SIL1: variants seen among roughly 807,000 people sequenced by gnomAD.
SIL1 encodes nucleotide exchange factor SIL1.
In SIL1, 40 loss-of-function variants were observed where a neutral mutation model predicts 49.1. That is an observed-to-expected ratio of 0.81 (90% CI 0.63 to 1.06). SIL1 has a LOEUF of 1.06. Ranked by LOEUF, SIL1 falls within the 50% of genes least tolerant of loss-of-function variation. SIL1 has a pLI of 0.00. For synonymous variants in SIL1, 253 were observed against 250.8 expected (o/e 1.01, Z -0.08); for missense variants, 500 against 572.6 (o/e 0.87, Z 1.29).
At chr5:139,013,300 AAC>A (rs1211595318) in intron 7 of SIL1, among the ~76,000 whole-genome samples, 1 of 152,252 alleles carries the variant, frequency 6.6e-6, no homozygotes, top group Non-Finnish European at 1.5e-5. Context: ...TTCCTTAGGA[AAC>A]AGACTGAAGA....
intron 3 of SIL1, among the ~76,000 whole-genome samples, chr5:139,085,487 T>C (rs1293175341): frequency 6.6e-6 from 1 of 152,118 alleles, no homozygotes; most frequent in Admixed American, 6.5e-5. Flanking sequence ...AGGGAGCTGT[T>C]GGCATGGCTT....
Position 139,048,884 on chromosome 5 carries a change from A to C in SIL1, c.353+2054T>G, listed in dbSNP as rs180719537. 1.3e-3 allele frequency among the ~76,000 whole-genome samples: 204 copies of C among 152,292 alleles called. 1 individual carries two copies. Among genetic ancestry groups the C allele is most frequent in the Non-Finnish European group, 2.6e-3 (174 of 68,028 alleles). On this transcript the variant is annotated intron_variant, in intron 4 of 9. Transcript: ENST00000394817. ...AAGGAGTAATTGTCTGACCTGGGCC[A>C]CTCCAAGTATAGGCCTACCTGGAGG... is the stretch of plus-strand genomic sequence containing the variant.
intron 3 of SIL1, among the ~76,000 whole-genome samples, chr5:139,103,306 C>T (rs1381129727): frequency 1.3e-5 from 2 of 152,196 alleles, no homozygotes; most frequent in Non-Finnish European, 2.9e-5. Context: ...AGCAAGTATT[C>T]CTCTTTTGCC....
chr5:139,193,603 GA>G (rs1204767175), intron 1 of SIL1, among the ~76,000 whole-genome samples: 2 of 151,896 alleles, frequency 1.3e-5, no homozygotes, highest in African/African-American at 2.4e-5. Context: ...ACAATTAAGG[GA>G]AAAAAAGTCT....
At chr5:139,093,138 C>A (rs546479413) in intron 3 of SIL1, among the ~76,000 whole-genome samples, 18 of 152,276 alleles carry the variant, frequency 1.2e-4, no homozygotes, top group South Asian at 4.1e-4. Context: ...TGTTCCCCCC[C>A]ACAAAAGGCA....
chr5:139,010,781 CA>C (rs1177523410), intron 7 of SIL1, among the ~76,000 whole-genome samples: 2 of 152,016 alleles, frequency 1.3e-5, no homozygotes, highest in African/African-American at 4.8e-5. Context: ...GCTCGGGGGT[CA>C]GGGGTCAGGG....
At chr5:139,143,909 A>G (rs1446227038) in intron 1 of SIL1, among the ~76,000 whole-genome samples, 1 of 152,214 alleles carries the variant, frequency 6.6e-6, no homozygotes, top group Non-Finnish European at 1.5e-5. Context: ...GAAAACTACA[A>G]AACGCTGCTG....
intron 3 of SIL1, among the ~76,000 whole-genome samples, chr5:139,069,775 C>G (rs928072568): frequency 5.9e-5 from 9 of 152,088 alleles, no homozygotes; most frequent in Non-Finnish European, 1.2e-4. Context: ...CAAAAATCAG[C>G]AAGTAACTTA....
At chr5:139,159,147 G>A (rs898368490) in intron 1 of SIL1, among the ~76,000 whole-genome samples, 4 of 151,450 alleles carry the variant, frequency 2.6e-5, no homozygotes, top group Admixed American at 6.6e-5. Flanking sequence ...CAGCACATGC[G>A]CAAAACAGTT....
intron 4 of SIL1, among the ~76,000 whole-genome samples, chr5:139,047,417 G>C (rs955401324): frequency 6.6e-6 from 1 of 152,220 alleles, no homozygotes; most frequent in South Asian, 2.1e-4. Flanking sequence ...TGCAGCTCTA[G>C]GTAGCAATGT....
chr5:138,990,897 G>T (rs1767742364), intron 7 of SIL1, among the ~76,000 whole-genome samples: 1 of 152,212 alleles, frequency 6.6e-6, no homozygotes, highest in Non-Finnish European at 1.5e-5. Context: ...TGTATTTTTA[G>T]TAGAGACGGG....
chr5:139,189,097 C>T (rs753758663), intron 1 of SIL1, among the ~76,000 whole-genome samples: 5 of 152,194 alleles, frequency 3.3e-5, no homozygotes, highest in African/African-American at 1.2e-4. Flanking sequence ...CCTGAAACTA[C>T]GACGTGGCTC....
intron 3 of SIL1, chr5:139,108,090 G>A (rs1770760197): frequency 6.6e-6 from 1 of 152,222 alleles, no homozygotes; most frequent in African/African-American, 2.4e-5. Context: ...TCCGAAGAAT[G>A]TGTCTCATTG....
intron 5 of SIL1, among the ~76,000 whole-genome samples, chr5:139,036,446 C>T (rs566298217): frequency 8.4e-4 from 128 of 152,184 alleles, no homozygotes; most frequent in African/African-American, 2.8e-3. Context: ...GTCAAAATAG[C>T]AAACACATGG....
chr5:138,985,695 G>T (rs904656434), intron 7 of SIL1, among the ~76,000 whole-genome samples: 1 of 152,116 alleles, frequency 6.6e-6, no homozygotes, highest in African/African-American at 2.4e-5. Flanking sequence ...TCTGACTGTC[G>T]ACCCAAGACT....
At chr5:138,954,909 A>T (rs1289554165) in intron 7 of SIL1, among the ~76,000 whole-genome samples, 1 of 152,228 alleles carries the variant, frequency 6.6e-6, no homozygotes, top group Non-Finnish European at 1.5e-5. Context: ...TGAATGCCAA[A>T]ATGCCACACT....
intron 1 of SIL1, among the ~76,000 whole-genome samples, chr5:139,162,534 A>T (rs887495410): frequency 2.1e-4 from 32 of 152,334 alleles, no homozygotes; most frequent in African/African-American, 7.2e-4. Flanking sequence ...CTCTCCACAG[A>T]CTGTTCCAAT....
chr5:139,056,644 TG>T (rs1264395274), intron 3 of SIL1, among the ~76,000 whole-genome samples: 50 of 123,810 alleles, frequency 4.0e-4, no homozygotes, highest in African/African-American at 1.7e-3. Flanking sequence ...AGGAGGGAGG[TG>T]GGGGGGTCAG....
Position 138,955,683 on chromosome 5 carries a change from T to C in SIL1, c.768-3799A>G, listed in dbSNP as rs570498362. ...ACCCTTGGGCTCAGGGCTGGCTACA[T>C]AATTTTCAGGCCCAAGTGCAACATG... On this transcript the variant is annotated intron_variant, in intron 7 of 9. Coordinates refer to ENST00000394817, the MANE Select transcript of SIL1 (RefSeq NM_022464.5). 2.4e-4 allele frequency among the ~76,000 whole-genome samples: 36 copies of C among 152,336 alleles called. No individual in the cohort carries two copies. In the South Asian group the frequency reaches 6.8e-3, roughly 29 times the overall value.
Sources: allele counts gnomAD v4.1 joint callset (sites outside exome capture counted in the v4.1 genomes callset), GRCh38; gene constraint gnomAD v4.1.1; transcripts MANE v1.5; gene names NCBI Gene and HGNC (gene_info 2026-07-23, HGNC 2026-07-21).